The following HSPA12A variants were observed in gnomAD, a reference collection of about 807,000 sequenced individuals.
The protein encoded by HSPA12A is heat shock protein family A (Hsp70) member 12A.
A neutral mutation model predicts 69.2 loss-of-function variants in HSPA12A; 28 were observed. That is an observed-to-expected ratio of 0.40 (90% confidence interval 0.30 to 0.55). The LOEUF (loss-of-function observed/expected upper bound fraction) is 0.55. Ranked by LOEUF, HSPA12A falls within the 20% of genes least tolerant of loss-of-function variation. The pLI is 0.38. For synonymous variants in HSPA12A, 345 were observed against 370.5 expected, an observed-to-expected ratio of 0.93 and a Z score of 0.79; for missense variants, 686 against 900.7, an observed-to-expected ratio of 0.76 and a Z score of 3.05.
At chr10:116,831,259 G>C (rs879442717) in intron 2 of HSPA12A, 3 of 152,188 alleles carry the variant, frequency 2.0e-5, no homozygotes, top group Admixed American at 6.5e-5. Context: ...GGACACAAAA[G>C]AGAAAAAGGT....
intron 2 of HSPA12A, among the ~76,000 whole-genome samples, chr10:116,805,925 G>A (rs1845059061): frequency 6.6e-6 from 1 of 152,210 alleles, no homozygotes; most frequent in Admixed American, 6.5e-5. Context: ...AACCCAGGAT[G>A]CCTGAGCGTA....
In HSPA12A at chr10:116,848,500, G is replaced by GA. The variant is rs199596156; in HGVS notation, c.3+1065dup. Among the ~76,000 whole-genome samples, 258 of 152,338 alleles carry GA rather than the reference G, an allele frequency of 1.7e-3. 3 individuals carry two copies. The highest frequency in any genetic ancestry group is 0.016 in the Admixed American group (246 of 15,310). ...GTAAGATGATGTTTTCCAGAGGGGGGAAAGTGTGGCACAGATCTTGTAACT... is the reference window on the plus strand; with the variant it reads ...GTAAGATGATGTTTTCCAGAGGGGGGAAAAGTGTGGCACAGATCTTGTAACT... On this transcript the variant is annotated intron_variant, in intron 1 of 12. Coordinates refer to the HSPA12A transcript ENST00000635765.
intron 3 of HSPA12A, 123 bp from the exon 4 acceptor site, chr10:116,701,252 T>G: frequency 1.2e-6 from 1 of 843,514 alleles, no homozygotes; most frequent in Non-Finnish European, 1.9e-6. Context: ...GGCACTCTGC[T>G]TCAGCTGGAT....
intron 6 of HSPA12A, among the ~76,000 whole-genome samples, chr10:116,685,036 T>C (rs1400462444): frequency 1.3e-5 from 2 of 152,202 alleles, no homozygotes; most frequent in Admixed American, 6.5e-5. Flanking sequence ...GTGTCCTCAG[T>C]TGCCAGCCCG....
intron 2 of HSPA12A, among the ~76,000 whole-genome samples, chr10:116,758,740 A>G (rs186383993): frequency 5.2e-4 from 79 of 152,326 alleles, no homozygotes; most frequent in African/African-American, 1.9e-3. Context: ...AAAGACTCTA[A>G]GAACAGATAG....
intron 3 of HSPA12A, among the ~76,000 whole-genome samples, chr10:116,701,841 G>T (rs972393768): frequency 2.0e-5 from 3 of 152,180 alleles, no homozygotes; most frequent in African/African-American, 7.2e-5. Flanking sequence ...AGAACCCTGG[G>T]GACTTAGACA....
chr10:116,793,734 A>G (rs2133156404), intron 2 of HSPA12A, among the ~76,000 whole-genome samples: 1 of 152,310 alleles, frequency 6.6e-6, no homozygotes, highest in African/African-American at 2.4e-5. Context: ...TTTCTAGGAC[A>G]ATCACTAAAA....
In HSPA12A at chr10:116,820,766, T is replaced by C. The variant is rs981378291; in HGVS notation, c.91+14169A>G. ...ATATGCTAATGAGTCCACGTTGACA[T>C]TTCTAGTCGGAGCTCACCATATCTC... On this transcript the variant is annotated intron_variant, in intron 2 of 12. Transcript: ENST00000635765. 2.0e-5 allele frequency among the ~76,000 whole-genome samples: 3 copies of C among 152,028 alleles called. No homozygotes were observed. The East Asian group carries it at 5.8e-4, about 29-fold the overall frequency.
At position 116,696,002 on chromosome 10, in the gene HSPA12A, C is replaced by CAAAAAAAAAAAAAA. The variant is rs71013609; in HGVS notation, c.546+2619_546+2632dup. On this transcript the variant is annotated intron_variant, in intron 5 of 11. Transcript: ENST00000369209. ...TGGGCAACAGAGAGAGACTCCATCT[C>CAAAAAAAAAAAAAA]AAAAAAAAAAAAAAAAAAAAAGGCT... Among the ~76,000 whole-genome samples, 39 of 32,722 alleles carry CAAAAAAAAAAAAAA rather than the reference C, an allele frequency of 1.2e-3. 9 individuals are homozygous for CAAAAAAAAAAAAAA. The highest frequency in any genetic ancestry group is 5.5e-3 in the African/African-American group (36 of 6,488). 21.5% of individuals were successfully genotyped at this position (32,722 alleles called of 152,430 possible). A position where few individuals can be genotyped will look rare whatever the true frequency, so the allele number is the denominator to read the frequency against.
At chr10:116,835,036 GA>G in intron 1 of HSPA12A, 3 of 1,223,330 alleles carry the variant, frequency 2.5e-6, no homozygotes, top group Non-Finnish European at 3.1e-6. Flanking sequence ...TAGGAGGGGG[GA>G]AAAGAGTTGC....
chr10:116,734,650 CT>C lies in HSPA12A; in HGVS notation c.40+7779del, dbSNP rs10631951. Reference sequence around the variant, plus strand: ...GGTAGTTGCATCTACAGATTTTCAGCTTTTTTTTTTTTTTTGCTTTTTTCAT... The same window carrying C: ...GGTAGTTGCATCTACAGATTTTCAGCTTTTTTTTTTTTTTGCTTTTTTCAT... On this transcript the variant is annotated intron_variant, in intron 1 of 11. Transcript: ENST00000369209. Among the ~76,000 whole-genome samples the C allele has an allele frequency of 3.8e-3, 509 of 133,786 alleles. 1 individual carries two copies. Among genetic ancestry groups the C allele is most frequent in the African/African-American group, 0.012 (416 of 35,724 alleles). The allele number at this position is 133,786 out of a possible 152,430, so 87.8% of individuals were successfully genotyped here. A position where few individuals can be genotyped will look rare whatever the true frequency, so the allele number is the denominator to read the frequency against.
chr10:116,707,342 A>T, intron 1 of HSPA12A, 57 bp from the exon 2 acceptor site: 1 of 1,357,086 alleles, frequency 7.4e-7, no homozygotes, highest in Non-Finnish European at 1.0e-6. Flanking sequence ...CCCAGGGGGA[A>T]GAAATGAGGG....
At chr10:116,766,008 C>T (rs1844069510) in intron 2 of HSPA12A, among the ~76,000 whole-genome samples, 1 of 152,188 alleles carries the variant, frequency 6.6e-6, no homozygotes, top group Admixed American at 6.6e-5. Flanking sequence ...GGATGAGCCA[C>T]CCTTCATGCA....
intron 2 of HSPA12A, among the ~76,000 whole-genome samples, chr10:116,755,259 T>C (rs1843808882): frequency 6.6e-6 from 1 of 152,102 alleles, no homozygotes; most frequent in South Asian, 2.1e-4. Context: ...GGCCTATCCA[T>C]GTATTTTTAA....
intron 6 of HSPA12A, 102 bp from the exon 7 acceptor site, chr10:116,684,064 G>T: frequency 1.0e-6 from 1 of 964,480 alleles, no homozygotes; most frequent in Non-Finnish European, 1.5e-6. Flanking sequence ...GCGCACTCGT[G>T]CTCTGCATCT....
At chr10:116,810,960 T>C (rs1845166941) in intron 2 of HSPA12A, among the ~76,000 whole-genome samples, 1 of 152,182 alleles carries the variant, frequency 6.6e-6, no homozygotes, top group South Asian at 2.1e-4. Flanking sequence ...ATTCACTTTC[T>C]ATAAACCAAA....
At chr10:116,746,701 T>C (rs1326963407), upstream of HSPA12A, among the ~76,000 whole-genome samples, 1 of 152,252 alleles carries the variant, frequency 6.6e-6, no homozygotes, top group African/African-American at 2.4e-5. Flanking sequence ...TTAATTTATA[T>C]ATTTGAACAC....
chr10:116,828,777 T>C (rs1845557927), intron 2 of HSPA12A: 1 of 152,198 alleles, frequency 6.6e-6, no homozygotes, highest in South Asian at 2.1e-4. Flanking sequence ...AGAAAATTAC[T>C]TTTATGTACA....
intron 2 of HSPA12A, chr10:116,832,945 C>G (rs545815838): frequency 1.3e-5 from 2 of 152,152 alleles, no homozygotes; most frequent in Non-Finnish European, 2.9e-5. Flanking sequence ...TTAGAGAAAA[C>G]AGAGGCAGCG....
Sources: allele counts gnomAD v4.1 joint callset (sites outside exome capture counted in the v4.1 genomes callset), GRCh38; gene constraint gnomAD v4.1.1; transcripts MANE v1.5; gene names NCBI Gene and HGNC (gene_info 2026-07-23, HGNC 2026-07-21).